SUSD1: variants seen among roughly 807,000 people sequenced by gnomAD.
The protein encoded by SUSD1 is sushi domain containing 1.
SUSD1 carries 65 observed loss-of-function variants against 86.9 expected under a neutral mutation model. The observed-to-expected ratio is 0.75, with a 90% confidence interval of 0.61 to 0.92. The LOEUF (loss-of-function observed/expected upper bound fraction) is 0.92, where lower values mean the gene tolerates loss of function less well. SUSD1 is among the 40% of genes least tolerant of loss of function. The pLI is 0.00. For missense variants in SUSD1, 850 were observed against 929.7 expected (o/e 0.91, Z 1.11); for synonymous variants, 346 against 350.0 (o/e 0.99, Z 0.13).
chr9:112,051,420 TTTTTTTTTTTTTTG>T, intron 15 of SUSD1, among the ~76,000 whole-genome samples: 1 of 122,338 alleles, frequency 8.2e-6, no homozygotes, highest in African/African-American at 3.3e-5. Context: ...TTTTTTTTTT[TTTTTTTTTTTTTTG>T]TTGTTGTTGT....
At chr9:112,045,397 C>T (rs1589567474) in intron 15 of SUSD1, among the ~76,000 whole-genome samples, 1 of 152,186 alleles carries the variant, frequency 6.6e-6, no homozygotes, top group East Asian at 1.9e-4. Context: ...TTGATTTCAA[C>T]TCATCAATAA....
At chr9:112,096,279 C>T (rs142238939) in intron 10 of SUSD1, among the ~76,000 whole-genome samples, 322 of 152,306 alleles carry the variant, frequency 2.1e-3, no homozygotes, top group African/African-American at 7.4e-3. Flanking sequence ...CTCTCTGCTC[C>T]AGCCATACTG....
intron 14 of SUSD1, among the ~76,000 whole-genome samples, chr9:112,054,312 C>T (rs1828352625): frequency 6.6e-6 from 1 of 152,166 alleles, no homozygotes. Context: ...AGGCTGGGCA[C>T]ACTGGCTCAC....
chr9:112,090,101 A>G (rs1035861206), intron 10 of SUSD1, among the ~76,000 whole-genome samples: 3 of 152,114 alleles, frequency 2.0e-5, no homozygotes, highest in Non-Finnish European at 4.4e-5. Context: ...TCTTAGAAAA[A>G]CTAATAAAAT....
At chr9:112,165,561 C>T (rs986380539) in intron 1 of SUSD1, among the ~76,000 whole-genome samples, 6 of 151,996 alleles carry the variant, frequency 3.9e-5, no homozygotes, top group African/African-American at 1.4e-4. Flanking sequence ...AGGTGTGCAC[C>T]ACCACACTCG....
intron 3 of SUSD1, among the ~76,000 whole-genome samples, chr9:112,146,535 T>C (rs796688190): frequency 1.1e-4 from 16 of 152,186 alleles, no homozygotes; most frequent in African/African-American, 3.9e-4. Context: ...TATTTGGCCC[T>C]TACATAAAAT....
chr9:112,113,317 T>C lies in SUSD1; in HGVS notation c.887-449A>G, dbSNP rs902203413. On this transcript the variant is annotated intron_variant, in intron 6 of 16. Coordinates refer to ENST00000374270, the MANE Select transcript of SUSD1 (RefSeq NM_022486.5). This position sits in a 1 kb window ranked among gnomAD's most constrained non-coding sequence, Gnocchi z 4.1. Reference sequence around the variant, plus strand: ...TGCTATCCCCAGGGGGAAAATGACATGTCTCACCACACAGGACCATGCCTC... The same window carrying C: ...TGCTATCCCCAGGGGGAAAATGACACGTCTCACCACACAGGACCATGCCTC... 6.6e-6 allele frequency among the ~76,000 whole-genome samples: 1 copy of C among 152,200 alleles called. No homozygotes were observed. The highest frequency in any genetic ancestry group is 2.4e-5 in the African/African-American group (1 of 41,458).
chr9:112,080,586 G>A (rs1160936101), intron 10 of SUSD1, among the ~76,000 whole-genome samples: 9 of 151,802 alleles, frequency 5.9e-5, no homozygotes, highest in African/African-American at 2.2e-4. Context: ...TACTTGGGAG[G>A]CTGAAGCAGG....
chr9:112,112,377 A>G (rs1261838644), intron 7 of SUSD1, among the ~76,000 whole-genome samples: 1 of 152,186 alleles, frequency 6.6e-6, no homozygotes, highest in Non-Finnish European at 1.5e-5. Context: ...GCTCATGCCT[A>G]TAATCCCAGC....
At chr9:112,060,209 C>T (rs1282989278) in intron 13 of SUSD1, among the ~76,000 whole-genome samples, 1 of 151,998 alleles carries the variant, frequency 6.6e-6, no homozygotes. Context: ...GGAAAGTCTC[C>T]CCCCACCAGG....
intron 1 of SUSD1, among the ~76,000 whole-genome samples, chr9:112,165,446 G>A (rs1394631257): frequency 8.4e-6 from 1 of 119,392 alleles, no homozygotes; most frequent in East Asian, 2.4e-4. Context: ...GTCTCGCTCT[G>A]TCCCCCAGGC....
intron 11 of SUSD1, among the ~76,000 whole-genome samples, chr9:112,079,241 T>C (rs1465146928): frequency 6.6e-6 from 1 of 151,938 alleles, no homozygotes; most frequent in African/African-American, 2.4e-5. Flanking sequence ...TAAAATATTA[T>C]TTGTATAATA....
chr9:112,050,571 C>T (rs10981233), intron 15 of SUSD1, among the ~76,000 whole-genome samples: 11,758 of 152,158 alleles, frequency 0.077, 752 homozygotes, highest in East Asian at 0.25. Context: ...ACTTCCTCAC[C>T]ATGCCAGTTG....
At chr9:112,165,407 C>CTTTTTT (rs34075174) in intron 1 of SUSD1, among the ~76,000 whole-genome samples, 3 of 119,470 alleles carry the variant, frequency 2.5e-5, no homozygotes, top group Non-Finnish European at 3.4e-5. Context: ...GTCTTTGACA[C>CTTTTTT]TTTTTTTTTT....
At chr9:112,107,269 A>AAG (rs1554764455) in intron 8 of SUSD1, among the ~76,000 whole-genome samples, 3 of 150,370 alleles carry the variant, frequency 2.0e-5, no homozygotes, top group African/African-American at 7.4e-5. Context: ...AAAAAAAAAA[A>AAG]AAAAGAAAAG....
chr9:112,057,306 T>C (rs905080884), intron 14 of SUSD1, among the ~76,000 whole-genome samples: 1 of 152,168 alleles, frequency 6.6e-6, no homozygotes, highest in African/African-American at 2.4e-5. Flanking sequence ...CATATTTCAC[T>C]ATAGCAGCCC....
At chr9:112,099,153 G>A (rs1450396946) in intron 9 of SUSD1, among the ~76,000 whole-genome samples, 2 of 151,968 alleles carry the variant, frequency 1.3e-5, no homozygotes, top group African/African-American at 2.4e-5. Context: ...GGACTGAAGT[G>A]ATCCTCAGCC....
At chr9:112,067,197 ATTC>A (rs1252424894) in intron 12 of SUSD1, among the ~76,000 whole-genome samples, 1 of 152,134 alleles carries the variant, frequency 6.6e-6, no homozygotes, top group East Asian at 1.9e-4. Context: ...GGAGGGTTTT[ATTC>A]TTCTTCTTAG....
chr9:112,148,580 C>G (rs1457713777), intron 3 of SUSD1, among the ~76,000 whole-genome samples: 3 of 152,118 alleles, frequency 2.0e-5, no homozygotes, highest in Admixed American at 2.0e-4. Flanking sequence ...AGGAGGCACA[C>G]CATCTCCAGA....
Sources: gnomAD v4.1 joint callset for allele counts (sites outside exome capture counted in the v4.1 genomes callset) on GRCh38, gnomAD v4.1.1 for gene constraint, Gnocchi (gnomAD v3.1) non-coding constraint, MANE v1.5 for transcripts, NCBI Gene and HGNC (gene_info 2026-07-23, HGNC 2026-07-21) for gene names.